The following SEL1L3 variants were observed in gnomAD, a reference collection of about 807,000 sequenced individuals.
SEL1L3 encodes SEL1L family member 3.
In SEL1L3, 76 loss-of-function variants were observed where a neutral mutation model predicts 142.8. The ratio of observed to expected loss-of-function variants is 0.53; its 90% CI spans 0.44 to 0.64. SEL1L3 has a LOEUF of 0.64. SEL1L3 is among the 30% of genes least tolerant of loss of function. The pLI is 0.00. For missense variants in SEL1L3, 1,262 were observed against 1,381.7 expected (o/e 0.91, Z 1.37); for synonymous variants, 504 against 519.6 (o/e 0.97, Z 0.41).
rs1234823533 is a variant in SEL1L3, at chr4:25,819,913, GT to G, written c.1317del (p.Gln439HisfsTer19). On this transcript the variant is annotated frameshift_variant, in exon 8 of 24. Coordinates refer to ENST00000399878, the MANE Select transcript of SEL1L3 (RefSeq NM_015187.5). LOFTEE classifies it high-confidence loss of function. Reference protein sequence around the residue: ...AQIFNPLLEKQLAEQIKLYYE... With the variant: ...AQIFNPLLEKXLAEQIKLYYE... ...TAATATAACTTGATTTGTTCAGCAA[GT>G]TGCTTCTCAAGGAGGGGATTAAAAA... The G allele has an allele frequency of 1.2e-6, 2 of 1,611,896 alleles. No homozygotes were observed. Among genetic ancestry groups the G allele is most frequent in the Non-Finnish European group, 1.7e-6 (2 of 1,179,060 alleles).
At chr4:25,738,262 G>A in the SEL1L3 span, among the ~76,000 whole-genome samples, 1 of 152,116 alleles carries the variant, frequency 6.6e-6, no homozygotes, top group Non-Finnish European at 1.5e-5. Context: ...GGGTATGGAG[G>A]GGATGACTAT....
At chr4:25,846,203 G>A (rs1449085452) in intron 2 of SEL1L3, among the ~76,000 whole-genome samples, 1 of 152,200 alleles carries the variant, frequency 6.6e-6, no homozygotes, top group Non-Finnish European at 1.5e-5. Context: ...ACTTCAGAGT[G>A]CCGCCTCTCA....
At chr4:25,808,981 G>A (rs1393818055) in intron 9 of SEL1L3, among the ~76,000 whole-genome samples, 1 of 148,702 alleles carries the variant, frequency 6.7e-6, no homozygotes, top group Non-Finnish European at 1.5e-5. Flanking sequence ...GGTGAGGCAG[G>A]AGAATGGCGT....
At chr4:25,769,863 C>T (rs1001169107) in intron 17 of SEL1L3, among the ~76,000 whole-genome samples, 1 of 152,168 alleles carries the variant, frequency 6.6e-6, no homozygotes, top group East Asian at 1.9e-4. Flanking sequence ...TGTGGTTGCT[C>T]ATGCCTGTAA....
chr4:25,803,963 T>C lies in SEL1L3; in HGVS notation c.1776+578A>G, dbSNP rs562727275. ...AGCCTCCATAATTGCATGAGCCAATTCTTTGTAAGAAACCTCTTCCTATAT... is the reference window on the plus strand; with the variant it reads ...AGCCTCCATAATTGCATGAGCCAATCCTTTGTAAGAAACCTCTTCCTATAT... On this transcript the variant is annotated intron_variant, in intron 10 of 23. Coordinates refer to ENST00000399878, the MANE Select transcript of SEL1L3 (RefSeq NM_015187.5). 7.9e-5 allele frequency among the ~76,000 whole-genome samples: 12 copies of C among 152,300 alleles called. No homozygotes were observed. In the South Asian group the frequency reaches 2.3e-3, roughly 29 times the overall value.
intron 1 of SEL1L3, among the ~76,000 whole-genome samples, chr4:25,857,529 G>C (rs1461067218): frequency 6.6e-6 from 1 of 152,140 alleles, no homozygotes; most frequent in East Asian, 1.9e-4. Context: ...GGACCTCATA[G>C]AACTTCTCAC....
chr4:25,847,673 T>C lies in SEL1L3; in HGVS notation c.354A>G (p.Ser118=). The change falls in exon 2 of 24, where the codon TCA becomes TCG. Residue 118 remains serine, a synonymous_variant. Coordinates refer to ENST00000399878, the MANE Select transcript of SEL1L3 (RefSeq NM_015187.5). The part of the protein sequence containing the change: ...PCVVNLEAVV[S]SEFRSSIPVY... Reference sequence around the variant, plus strand: ...CGGGAATGCTACTTCTGAACTCAGATGAAACAACTGCTTCCAAATTGACAA... The same window carrying C: ...CGGGAATGCTACTTCTGAACTCAGACGAAACAACTGCTTCCAAATTGACAA... 6.2e-7 allele frequency: 1 copy of C among 1,614,014 alleles called. No individual in the cohort carries two copies. Among genetic ancestry groups the C allele is most frequent in the South Asian group, 1.1e-5 (1 of 91,090 alleles).
chr4:25,827,010 G>A (rs886374605), intron 6 of SEL1L3, among the ~76,000 whole-genome samples: 1 of 152,108 alleles, frequency 6.6e-6, no homozygotes, highest in Non-Finnish European at 1.5e-5. Context: ...GCTTCAATTG[G>A]GATGTAGAGT....
intron 9 of SEL1L3, among the ~76,000 whole-genome samples, chr4:25,805,620 A>G (rs1349198420): frequency 6.6e-6 from 1 of 152,242 alleles, no homozygotes; most frequent in African/African-American, 2.4e-5. Flanking sequence ...CCATGAATCT[A>G]TAAGCTGATC....
chr4:25,825,514 G>A (rs977766749), intron 6 of SEL1L3, among the ~76,000 whole-genome samples: 7 of 152,096 alleles, frequency 4.6e-5, no homozygotes, highest in African/African-American at 1.2e-4. Context: ...AATCACCGAC[G>A]TTGTGAAACA....
chr4:25,793,523 C>T (rs1239038381), intron 11 of SEL1L3, among the ~76,000 whole-genome samples: 4 of 151,094 alleles, frequency 2.6e-5, no homozygotes, highest in South Asian at 4.2e-4. Flanking sequence ...TGGGCTCAAA[C>T]GTTTGCCTTT....
At chr4:25,863,468 G>A (rs186659310), upstream of SEL1L3, 189 of 692,440 alleles carry the variant, frequency 2.7e-4, no homozygotes, top group East Asian at 4.4e-3. Context: ...GTTCCCGCCC[G>A]TGCAATGGGT....
At chr4:25,753,685 C>G (rs944034112) in intron 23 of SEL1L3, among the ~76,000 whole-genome samples, 1 of 152,234 alleles carries the variant, frequency 6.6e-6, no homozygotes, top group African/African-American at 2.4e-5. Context: ...TAACTTCCTA[C>G]TTAAAAATTA....
intron 17 of SEL1L3, among the ~76,000 whole-genome samples, chr4:25,772,791 TTTTA>T (rs555464607): frequency 0.01 from 1,535 of 152,124 alleles, 8 homozygotes; most frequent in Non-Finnish European, 0.018. Context: ...TGAATCTTAT[TTTTA>T]TTTATTTATT....
intron 9 of SEL1L3, among the ~76,000 whole-genome samples, chr4:25,816,012 C>T (rs934679518): frequency 6.7e-6 from 1 of 149,912 alleles, no homozygotes; most frequent in Non-Finnish European, 1.5e-5. Flanking sequence ...TTATGTAGGG[C>T]TTACCATGTG....
the SEL1L3 span, chr4:25,720,431 G>C: frequency 2.0e-5 from 3 of 152,188 alleles, no homozygotes; most frequent in Admixed American, 6.5e-5. Context: ...ACTAGGCCTA[G>C]TGTCAGGTTG....
At chr4:25,844,232 C>T (rs1397353579) in intron 2 of SEL1L3, among the ~76,000 whole-genome samples, 2 of 152,178 alleles carry the variant, frequency 1.3e-5, no homozygotes. Context: ...CCCTTCTATC[C>T]CCACAGCCCA....
chr4:25,792,919 A>T (rs1560305362), intron 11 of SEL1L3, among the ~76,000 whole-genome samples: 1 of 152,074 alleles, frequency 6.6e-6, no homozygotes, highest in Non-Finnish European at 1.5e-5. Flanking sequence ...TAAAGACATA[A>T]CTCATGAAGA....
the SEL1L3 span, chr4:25,721,010 A>G: frequency 6.6e-6 from 1 of 152,138 alleles, no homozygotes; most frequent in Non-Finnish European, 1.5e-5. Context: ...GAAACCATCA[A>G]AAAAGAATAC....
Sources: gnomAD v4.1 joint callset for allele counts (sites outside exome capture counted in the v4.1 genomes callset) on GRCh38, gnomAD v4.1.1 for gene constraint, MANE v1.5 for transcripts, NCBI Gene and HGNC (gene_info 2026-07-23, HGNC 2026-07-21) for gene names.